The following GLIS3 variants were observed in gnomAD, a reference collection of about 807,000 sequenced individuals.
GLIS3 encodes the protein zinc finger protein GLIS3.
In GLIS3, 53 loss-of-function variants were observed where a neutral mutation model predicts 78.6. The observed-to-expected ratio is 0.67, with a 90% CI of 0.54 to 0.85. The LOEUF (loss-of-function observed/expected upper bound fraction) is 0.85, where lower values mean the gene tolerates loss of function less well. Among genes scored for constraint, GLIS3 ranks in the 40% least tolerant of loss-of-function variants. The pLI is 0.00. For synonymous variants in GLIS3, 684 were observed against 509.9 expected (o/e 1.34, Z -4.60); for missense variants, 1,703 against 1,231.1 (o/e 1.38, Z -5.74).
At chr9:4,052,201 ATCC>A (rs1264623321) in intron 4 of GLIS3, among the ~76,000 whole-genome samples, 3 of 152,204 alleles carry the variant, frequency 2.0e-5, no homozygotes, top group African/African-American at 7.2e-5. Context: ...CTTTCTCCCC[ATCC>A]TCCTGAAATA....
intron 4 of GLIS3, among the ~76,000 whole-genome samples, chr9:4,046,437 C>G (rs1165868590): frequency 6.6e-6 from 1 of 152,030 alleles, no homozygotes; most frequent in Admixed American, 6.5e-5. Flanking sequence ...CTTTGGGGCC[C>G]AAATAAACAA....
rs942514765 is a variant in GLIS3 at position 3,917,415 on chromosome 9, C to T, written c.1983+14945G>A. Among the ~76,000 whole-genome samples the T allele has an allele frequency of 2.6e-5, 4 of 152,170 alleles. No individual in the cohort carries two copies. In the East Asian group the frequency reaches 7.7e-4, roughly 29 times the overall value. On this transcript the variant is annotated intron_variant, in intron 6 of 10. Coordinates refer to ENST00000381971, the MANE Select transcript of GLIS3 (RefSeq NM_001042413.2). ...CAAACACAACTCCATTTGAATTGTTCCTCTAAAAACCCTCCATTGAAATTC... is the reference window on the plus strand; with the variant it reads ...CAAACACAACTCCATTTGAATTGTTTCTCTAAAAACCCTCCATTGAAATTC...
chr9:4,467,590 TAACA>T, the GLIS3 span, among the ~76,000 whole-genome samples: 2 of 152,064 alleles, frequency 1.3e-5, no homozygotes, highest in African/African-American at 4.8e-5. Context: ...GAAGGAAAAC[TAACA>T]AACAGAAAGG....
Position 3,825,076 on chromosome 9 carries a change from G to A in GLIS3, c.*3196C>T, listed in dbSNP as rs1245523458. The A allele has an allele frequency of 1.3e-5, 2 of 152,038 alleles. No individual in the cohort carries two copies. The highest frequency in any genetic ancestry group is 2.9e-5 in the Non-Finnish European group (2 of 68,024). 9.4% of individuals were successfully genotyped at this position (152,038 alleles called of 1,614,324 possible). The stretch of plus-strand genomic sequence containing the variant: ...CAGTTACTATTCCCAATACTTCAAG[G>A]CAACTGGAAAGTCAAGGTTCTCAGA... On this transcript the variant is annotated 3_prime_UTR_variant, in exon 11 of 11. Transcript: ENST00000381971.
chr9:3,828,222 T>C lies in GLIS3; in HGVS notation c.*50A>G, dbSNP rs541298657. ...TCTGTGAGAGTACGAAAACAAAAGG[T>C]GGCAAGCAACATCAAGGTCCTGGGT... On this transcript the variant is annotated 3_prime_UTR_variant, in exon 11 of 11. Coordinates refer to ENST00000381971, the MANE Select transcript of GLIS3 (RefSeq NM_001042413.2). The C allele has an allele frequency of 6.2e-7, 1 of 1,611,588 alleles. No homozygotes were observed. The highest frequency in any genetic ancestry group is 1.3e-5 in the African/African-American group (1 of 74,826).
chr9:3,833,080 C>T (rs530169587), intron 9 of GLIS3, among the ~76,000 whole-genome samples: 1 of 152,210 alleles, frequency 6.6e-6, no homozygotes, highest in South Asian at 2.1e-4. Context: ...ATATCAAATC[C>T]AACATTCTGG....
intron 6 of GLIS3, among the ~76,000 whole-genome samples, chr9:3,912,072 T>C (rs1563841772): frequency 6.6e-6 from 1 of 152,202 alleles, no homozygotes; most frequent in East Asian, 1.9e-4. Context: ...TTTGGTAAGA[T>C]AACCTCTCAA....
At chr9:4,352,139 T>C (rs747036034), upstream of GLIS3, among the ~76,000 whole-genome samples, 13 of 152,242 alleles carry the variant, frequency 8.5e-5, no homozygotes, top group Non-Finnish European at 1.3e-4. Context: ...TAGAGGAAGC[T>C]TGTCTCAATC....
chr9:4,448,977 G>C, the GLIS3 span, among the ~76,000 whole-genome samples: 1 of 152,166 alleles, frequency 6.6e-6, no homozygotes, highest in Non-Finnish European at 1.5e-5. Flanking sequence ...TTGGACAGTG[G>C]GTGCAGCCTA....
chr9:4,096,293 T>C (rs1473333248), intron 4 of GLIS3, among the ~76,000 whole-genome samples: 1 of 152,198 alleles, frequency 6.6e-6, no homozygotes, highest in East Asian at 1.9e-4. Context: ...TTTGGTTCTT[T>C]TTTCCTACCA....
At chr9:4,084,078 A>G (rs1828788215) in intron 4 of GLIS3, among the ~76,000 whole-genome samples, 1 of 152,142 alleles carries the variant, frequency 6.6e-6, no homozygotes. Flanking sequence ...AACAAAACAC[A>G]GCAACTTTTC....
intron 7 of GLIS3, among the ~76,000 whole-genome samples, chr9:3,891,283 C>A (rs915877716): frequency 1.3e-5 from 2 of 152,100 alleles, no homozygotes; most frequent in African/African-American, 2.4e-5. Context: ...AGCAGTTGAT[C>A]GCACTAAGAG....
intron 4 of GLIS3, among the ~76,000 whole-genome samples, chr9:4,090,758 C>T (rs752891901): frequency 6.6e-6 from 1 of 152,194 alleles, no homozygotes; most frequent in Non-Finnish European, 1.5e-5. Flanking sequence ...AGCTTAAGCA[C>T]GTGAAGTGGT....
At chr9:4,311,578 C>A (rs1229243180) in intron 2 of GLIS3, among the ~76,000 whole-genome samples, 1 of 152,110 alleles carries the variant, frequency 6.6e-6, no homozygotes, top group African/African-American at 2.4e-5. Flanking sequence ...CCTCCCAAGC[C>A]AGAATAACTC....
At chr9:4,441,452 T>G in the GLIS3 span, among the ~76,000 whole-genome samples, 5 of 152,236 alleles carry the variant, frequency 3.3e-5, no homozygotes, top group African/African-American at 1.2e-4. Context: ...TTTGCATATA[T>G]TGAACCATCC....
rs1014472966 is a variant in GLIS3, at chr9:3,855,905, G to T, written c.2473+104C>A. On this transcript the variant is annotated intron_variant, in intron 9 of 10. Coordinates refer to ENST00000381971, the MANE Select transcript of GLIS3 (RefSeq NM_001042413.2). ...AGGCAAGTCATGAAAGCCTAAGCCT[G>T]GTGTAGAACAGAGCATCTGAAATCC... The T allele has an allele frequency of 5.7e-6, 7 of 1,228,812 alleles. No homozygotes were observed. In the South Asian group the frequency reaches 7.3e-5, roughly 13 times the overall value. 76.1% of individuals were successfully genotyped at this position (1,228,812 alleles called of 1,614,324 possible). A position where few individuals can be genotyped will look rare whatever the true frequency, so the allele number is the denominator to read the frequency against.
intron 5 of GLIS3, among the ~76,000 whole-genome samples, chr9:3,933,393 T>G (rs561688449): frequency 3.3e-5 from 5 of 152,240 alleles, no homozygotes; most frequent in South Asian, 2.1e-4. Flanking sequence ...ATGAATGAAT[T>G]AAGAGCAGCT....
upstream of GLIS3, among the ~76,000 whole-genome samples, chr9:4,302,316 G>C (rs1174691028): frequency 1.3e-5 from 2 of 152,188 alleles, no homozygotes; most frequent in Non-Finnish European, 2.9e-5. Flanking sequence ...CTAGAGACCA[G>C]TGTTGTATGT....
chr9:4,135,569 T>C lies in GLIS3; in HGVS notation c.389-9628A>G, dbSNP rs528721392. ...CTTACTGCTACTCTAAACATTATTA[T>C]ATTACTCAAATAACATATCTAATAT... is the stretch of plus-strand genomic sequence containing the variant. On this transcript the variant is annotated intron_variant, in intron 2 of 10. Coordinates refer to ENST00000381971, the MANE Select transcript of GLIS3 (RefSeq NM_001042413.2). 5.3e-5 allele frequency among the ~76,000 whole-genome samples: 8 copies of C among 152,296 alleles called. No individual in the cohort carries two copies. The South Asian group carries it at 1.7e-3, about 32-fold the overall frequency.
Sources: allele counts gnomAD v4.1 joint callset (sites outside exome capture counted in the v4.1 genomes callset), GRCh38; gene constraint gnomAD v4.1.1; transcripts MANE v1.5; gene names NCBI Gene and HGNC (gene_info 2026-07-23, HGNC 2026-07-21).